DLGAP1: variants seen among roughly 807,000 people sequenced by gnomAD.
DLGAP1 encodes disks large-associated protein 1.
A neutral mutation model predicts 90.8 loss-of-function variants in DLGAP1; 11 were observed. That is an observed-to-expected ratio of 0.12 (90% CI 0.08 to 0.20). The LOEUF is 0.20. Among genes scored for constraint, DLGAP1 ranks in the 10% least tolerant of loss-of-function variants. The probability of loss-of-function intolerance (pLI) is 1.00; values close to 1 mark genes in which losing one functional copy is unlikely to be tolerated. For synonymous variants in DLGAP1, 558 were observed against 540.7 expected (o/e 1.03, Z -0.44); for missense variants, 1,050 against 1,333.8 (o/e 0.79, Z 3.31).
At chr18:4,417,916 C>T (rs56216706) in intron 1 of DLGAP1, among the ~76,000 whole-genome samples, 1 of 152,094 alleles carries the variant, frequency 6.6e-6, no homozygotes, top group Admixed American at 6.6e-5. Flanking sequence ...GCTAAGATAT[C>T]TTAAGTAATC....
At chr18:4,175,167 T>C (rs1429604558) in intron 1 of DLGAP1, among the ~76,000 whole-genome samples, 14 of 152,260 alleles carry the variant, frequency 9.2e-5, no homozygotes, top group African/African-American at 2.9e-4. Context: ...ATTTCTCTAA[T>C]GACCAGTGAT....
At chr18:4,082,532 A>AAAAAAAAAAAAAAAAAG (rs2075625683) in intron 2 of DLGAP1, among the ~76,000 whole-genome samples, 1 of 142,902 alleles carries the variant, frequency 7.0e-6, no homozygotes, top group Non-Finnish European at 1.6e-5. Context: ...AAAAAAAAAA[A>AAAAAAAAAAAAAAAAAG]AAGAAGGGTG....
At chr18:3,855,438 TA>T (rs1162699942) in intron 4 of DLGAP1, among the ~76,000 whole-genome samples, 1 of 149,656 alleles carries the variant, frequency 6.7e-6, no homozygotes, top group Non-Finnish European at 1.5e-5. Flanking sequence ...AAAATAAAAG[TA>T]AAAAAAAAGC....
chr18:3,553,149 C>A (rs920415451), intron 9 of DLGAP1, among the ~76,000 whole-genome samples: 3 of 152,032 alleles, frequency 2.0e-5, no homozygotes, highest in Non-Finnish European at 2.9e-5. Context: ...GAGAAAGGGG[C>A]AGAAATTATG....
chr18:3,842,945 A>G (rs887989186), intron 4 of DLGAP1, among the ~76,000 whole-genome samples: 3 of 152,104 alleles, frequency 2.0e-5, no homozygotes, highest in African/African-American at 7.2e-5. Context: ...GTTAATTCTG[A>G]TTGTCCACAA....
chr18:4,138,134 C>G (rs1317601494), intron 2 of DLGAP1, among the ~76,000 whole-genome samples: 1 of 152,048 alleles, frequency 6.6e-6, no homozygotes, highest in African/African-American at 2.4e-5. Flanking sequence ...GCTAGGACTT[C>G]CAGTAATATG....
chr18:4,143,160 T>C (rs1270508622), intron 2 of DLGAP1, among the ~76,000 whole-genome samples: 1 of 151,898 alleles, frequency 6.6e-6, no homozygotes, highest in African/African-American at 2.4e-5. Context: ...GGCTCTACAA[T>C]CAGGAGGCAG....
chr18:3,657,122 C>T (rs59803269), intron 7 of DLGAP1, among the ~76,000 whole-genome samples: 27,793 of 152,090 alleles, frequency 0.18, 6,181 homozygotes, highest in African/African-American at 0.53. Flanking sequence ...TTAAAGAGCA[C>T]TTTTTATAAG....
intron 7 of DLGAP1, among the ~76,000 whole-genome samples, chr18:3,664,216 ACC>A (rs35538306): frequency 0.035 from 3,178 of 89,874 alleles, 111 homozygotes; most frequent in African/African-American, 0.11. Flanking sequence ...ACACACACAC[ACC>A]CACACACACA....
intron 1 of DLGAP1, among the ~76,000 whole-genome samples, chr18:4,438,359 G>A (rs1262266046): frequency 6.7e-6 from 1 of 148,192 alleles, no homozygotes. Flanking sequence ...GTGAACCCGG[G>A]AGGTGGAGCT....
intron 1 of DLGAP1, among the ~76,000 whole-genome samples, chr18:4,247,429 T>G (rs1469089303): frequency 6.6e-6 from 1 of 152,188 alleles, no homozygotes; most frequent in Non-Finnish European, 1.5e-5. Context: ...TTTTCATAGC[T>G]ACAATATACT....
intron 7 of DLGAP1, among the ~76,000 whole-genome samples, chr18:3,604,802 G>A (rs549561853): frequency 6.6e-6 from 1 of 152,290 alleles, no homozygotes; most frequent in Admixed American, 6.5e-5. Flanking sequence ...GATGAGTCAT[G>A]CAGTTTCACC....
At chr18:4,243,059 C>T (rs956027388) in intron 1 of DLGAP1, among the ~76,000 whole-genome samples, 1 of 152,156 alleles carries the variant, frequency 6.6e-6, no homozygotes, top group Non-Finnish European at 1.5e-5. Flanking sequence ...AGTTGACTCA[C>T]CTGCCCTCTC....
At chr18:4,113,224 C>T (rs2076004415) in intron 2 of DLGAP1, among the ~76,000 whole-genome samples, 3 of 152,142 alleles carry the variant, frequency 2.0e-5, no homozygotes, top group Non-Finnish European at 2.9e-5. Flanking sequence ...ACATTTCCAC[C>T]AACAGTGTCT....
At chr18:4,220,473 G>A (rs184241222) in intron 1 of DLGAP1, among the ~76,000 whole-genome samples, 3 of 152,276 alleles carry the variant, frequency 2.0e-5, no homozygotes, top group African/African-American at 7.2e-5. Context: ...AATCAGAAGA[G>A]GGTGGATGGC....
At chr18:4,211,798 T>G (rs1181677050) in intron 1 of DLGAP1, among the ~76,000 whole-genome samples, 1 of 152,106 alleles carries the variant, frequency 6.6e-6, no homozygotes. Context: ...AAGTGACAGG[T>G]GCTATTCTTG....
chr18:3,721,127 C>A (rs1354511094), intron 7 of DLGAP1, among the ~76,000 whole-genome samples: 1 of 152,002 alleles, frequency 6.6e-6, no homozygotes, highest in Non-Finnish European at 1.5e-5. Context: ...ATTGAGAGAG[C>A]CTGTTTTTCT....
At chr18:4,266,638 A>G (rs1456246372) in intron 1 of DLGAP1, among the ~76,000 whole-genome samples, 1 of 152,224 alleles carries the variant, frequency 6.6e-6, no homozygotes, top group Admixed American at 6.5e-5. Flanking sequence ...GCAAATTTCT[A>G]TCTAAAGACA....
At chr18:4,164,257 C>T (rs2076895714) in intron 1 of DLGAP1, among the ~76,000 whole-genome samples, 3 of 152,062 alleles carry the variant, frequency 2.0e-5, no homozygotes, top group African/African-American at 7.2e-5. Context: ...AATCACCTGT[C>T]ATACAAAAAT....
Sources: allele counts gnomAD v4.1 joint callset (sites outside exome capture counted in the v4.1 genomes callset), GRCh38; gene constraint gnomAD v4.1.1; transcripts MANE v1.5; gene names NCBI Gene and HGNC (gene_info 2026-07-23, HGNC 2026-07-21).